Variants in TTC16 observed in about 807,000 individuals in gnomAD.
TTC16 encodes tetratricopeptide repeat protein 16.
A neutral mutation model predicts 80.4 loss-of-function variants in TTC16; 66 were observed. That is an observed-to-expected ratio of 0.82 (90% confidence interval 0.67 to 1.01). TTC16 has a LOEUF of 1.01. Ranked by LOEUF, TTC16 falls within the 50% of genes least tolerant of loss-of-function variation. The pLI, the probability that TTC16 is intolerant of heterozygous loss-of-function variation, is 0.00. For missense variants in TTC16, 1,070 were observed against 1,103.2 expected (o/e 0.97, Z 0.43); for synonymous variants, 438 against 451.3 (o/e 0.97, Z 0.37).
intron 7 of TTC16, 98 bp from the exon 8 acceptor site, chr9:127,724,022 G>A: frequency 7.0e-7 from 1 of 1,438,496 alleles, no homozygotes; most frequent in South Asian, 1.5e-5. Context: ...GGGTCAGGAG[G>A]CCCAGAGCCG....
At chr9:127,730,040 G>T in intron 13 of TTC16, 1 of 266,172 alleles carries the variant, frequency 3.8e-6, no homozygotes, top group South Asian at 5.0e-5. Context: ...AGGCGGGTGT[G>T]CGCAGTCCTC....
At chr9:127,728,022 G>T (rs1844120268) in intron 12 of TTC16, 1 of 152,218 alleles carries the variant, frequency 6.6e-6, no homozygotes, top group Non-Finnish European at 1.5e-5. Context: ...ACTGCACCCG[G>T]CCCCCAGAAT....
chr9:127,731,499 C>A lies in TTC16; in HGVS notation c.*94C>A. The A allele has an allele frequency of 6.6e-7, 1 of 1,508,940 alleles. No homozygotes were observed. The highest frequency in any genetic ancestry group is 8.8e-7 in the Non-Finnish European group (1 of 1,132,434). 93.5% of individuals were successfully genotyped at this position (1,508,940 alleles called of 1,614,324 possible). Reference sequence around the variant, plus strand: ...CTCAGCCAGCTGCCTCCTTCCAGAGCAATTAAAAGTCTTAGCAACAGTCCT... The same window carrying A: ...CTCAGCCAGCTGCCTCCTTCCAGAGAAATTAAAAGTCTTAGCAACAGTCCT... On this transcript the variant is annotated 3_prime_UTR_variant, in exon 14 of 14. Transcript: ENST00000373289.
intron 7 of TTC16, 99 bp from the exon 8 acceptor site, chr9:127,724,021 G>C: frequency 2.8e-6 from 4 of 1,434,292 alleles, no homozygotes; most frequent in Non-Finnish European, 3.7e-6. Flanking sequence ...TGGGTCAGGA[G>C]GCCCAGAGCC....
In TTC16 at chr9:127,731,199, G is replaced by A. The variant is rs998985369; in HGVS notation, c.2416G>A (p.Glu806Lys). 6.2e-7 allele frequency: 1 copy of A among 1,612,838 alleles called. No homozygotes were observed. The highest frequency in any genetic ancestry group is 1.3e-5 in the African/African-American group (1 of 75,004). ...RGLLRSSTKTEAFYDSNWSLS... is the reference protein window; with the variant it reads ...RGLLRSSTKTKAFYDSNWSLS... ...ACTGCTCCGAAGTTCCACCAAGACT[G>A]AGGCTTTCTATGACTCAAACTGGAG... is the stretch of plus-strand genomic sequence containing the variant. The change falls in exon 14 of 14, where the codon GAG becomes AAG. Residue 806 changes from glutamate to lysine, a missense_variant. Physicochemically the swap from Glu to Lys is moderately conservative, Grantham distance 56. Transcript: ENST00000373289.
Position 127,724,334 on chromosome 9 carries a change from C to A in TTC16, c.1087C>A (p.Gln363Lys), listed in dbSNP as rs954118742. The change falls in exon 8 of 14, where the codon CAG (glutamine) becomes AAG (lysine). Residue 363 changes from glutamine (Q) to lysine (K), a missense_variant. Transcript: ENST00000373289. ...GAACAAGGCCCTCCGGGACGAGCAG[C>A]AGGAGAAAGGACTCTACATCAACCG... ...LLNKALRDEQ[Q>K]EKGLYINRGD... The A allele has an allele frequency of 1.2e-6, 2 of 1,612,538 alleles. No individual in the cohort carries two copies. Among genetic ancestry groups the A allele is most frequent in the Admixed American group, 3.3e-5 (2 of 59,988 alleles).
chr9:127,716,887 A>G lies in TTC16; in HGVS notation c.62A>G (p.Lys21Arg). Residue 21 changes from lysine (K) to arginine (R), a missense_variant, in exon 2 of 14, where the codon AAG (lysine) becomes AGG (arginine). By Grantham distance (26) the Lys-to-Arg change is conservative (BLOSUM62 2). Coordinates refer to ENST00000373289, the MANE Select transcript of TTC16 (RefSeq NM_144965.3). ...CAGGGCCCCTCACGGGACATCCCAA[A>G]GCCATGGGTGATTCCAGCCCCCAAA... ...VDQGPSRDIP[K>R]PWVIPAPKGI... is the part of the protein sequence containing the mutation. 2 of 1,613,852 alleles carry G rather than the reference A, an allele frequency of 1.2e-6. No individual in the cohort carries two copies. Among genetic ancestry groups the G allele is most frequent in the Non-Finnish European group, 1.7e-6 (2 of 1,179,912 alleles).
chr9:127,726,141 C>G lies in TTC16; in HGVS notation c.1260-98C>G, dbSNP rs891419618. On this transcript the variant is annotated intron_variant, in intron 9 of 13. Coordinates refer to ENST00000373289, the MANE Select transcript of TTC16 (RefSeq NM_144965.3). ...GGCGTGGTGAGGGGAGCAGACCTAG[C>G]CTGGTTTCCCTCTAACTCCTCAGTG... is the stretch of plus-strand genomic sequence containing the variant. 2.7e-6 allele frequency: 3 copies of G among 1,122,214 alleles called. No individual in the cohort carries two copies. The African/African-American group carries it at 4.8e-5, about 18-fold the overall frequency. 69.5% of individuals were successfully genotyped at this position (1,122,214 alleles called of 1,614,324 possible).
chr9:127,716,626 T>A (rs908197992), intron 1 of TTC16: 5 of 612,700 alleles, frequency 8.2e-6, no homozygotes, highest in Admixed American at 6.0e-5. Flanking sequence ...TCCCTGACCT[T>A]GACCACAGGA....
rs766833868 is a variant in TTC16 at position 127,720,320 on chromosome 9, C to T, written c.582C>T (p.Thr194=). 1.2e-6 allele frequency: 2 copies of T among 1,613,512 alleles called. No homozygotes were observed. The highest frequency in any genetic ancestry group is 4.5e-5 in the East Asian group (2 of 44,890). Residue 194 remains threonine, a synonymous_variant, in exon 6 of 14, where the codon ACC becomes ACT. Transcript: ENST00000373289. ...KQHQACLTLI[T]NELKQDTTNA... is the part of the protein sequence containing the mutation. ...ATCAGGCCTGCCTCACGCTCATCAC[C>T]AACGAGCTGAAGCAGGACACCACCA...
At chr9:127,728,748 T>TATGG (rs1844167980) in intron 12 of TTC16, 1 of 152,256 alleles carries the variant, frequency 6.6e-6, no homozygotes, top group Non-Finnish European at 1.5e-5. Context: ...CAGTGAGCCG[T>TATGG]AATCATACTA....
intron 8 of TTC16, 117 bp from the exon 9 acceptor site, chr9:127,724,639 G>A (rs1843767929): frequency 7.2e-7 from 1 of 1,381,662 alleles, no homozygotes; most frequent in Non-Finnish European, 9.7e-7. Context: ...CGGAGACTGC[G>A]GCGGGGGGTT....
At chr9:127,717,181 C>T in intron 2 of TTC16, 153 bp from the exon 3 acceptor site, 1 of 1,193,488 alleles carries the variant, frequency 8.4e-7, no homozygotes, top group Non-Finnish European at 1.2e-6. Flanking sequence ...GGCTGGACTC[C>T]AGGAACACCA....
In TTC16 at chr9:127,717,766, C is replaced by T; in HGVS notation, c.420C>T (p.Tyr140=). 1 of 1,612,546 alleles carries T rather than the reference C, an allele frequency of 6.2e-7. No individual in the cohort carries two copies. The highest frequency in any genetic ancestry group is 8.5e-7 in the Non-Finnish European group (1 of 1,179,518). The change falls in exon 4 of 14, where the codon TAC becomes TAT. Residue 140 remains tyrosine, a synonymous_variant. Coordinates refer to ENST00000373289, the MANE Select transcript of TTC16 (RefSeq NM_144965.3). ...TGGAGCGCCTCACCTTTGTGCTCTA[C>T]CTACAGGTGCCTGGGGCCTCCCGGG... ...KHLERLTFVL[Y]LQGQCLFEQC...
chr9:127,730,031 G>A (rs1844271757), intron 13 of TTC16: 1 of 282,424 alleles, frequency 3.5e-6, no homozygotes, highest in African/African-American at 2.2e-5. Flanking sequence ...GAGGCCCCAA[G>A]GCGGGTGTGC....
chr9:127,723,809 A>G (rs1241973219), intron 7 of TTC16, among the ~76,000 whole-genome samples: 1 of 152,108 alleles, frequency 6.6e-6, no homozygotes, highest in African/African-American at 2.4e-5. Flanking sequence ...CAATTAACCT[A>G]TCCAAACAGT....
chr9:127,730,609 TG>T, intron 13 of TTC16, 26 bp from the exon 14 acceptor site: 4 of 1,605,378 alleles, frequency 2.5e-6, no homozygotes, highest in Non-Finnish European at 3.4e-6. Context: ...GCAGGCCTGA[TG>T]GGTGCTTTTG....
In TTC16 at chr9:127,717,582, G is replaced by A. The variant is rs751390951; in HGVS notation, c.283-47G>A. The A allele has an allele frequency of 5.6e-6, 9 of 1,604,544 alleles. No individual in the cohort carries two copies. The Admixed American group carries it at 1.5e-4, about 27-fold the overall frequency. ...TGGAGACTTTCCCCTACCCTCCAGG[G>A]GCAGATGGTGGGGAGGATCTAGCAG... is the stretch of plus-strand genomic sequence containing the variant. On this transcript the variant is annotated intron_variant, in intron 3 of 13. Coordinates refer to ENST00000373289, the MANE Select transcript of TTC16 (RefSeq NM_144965.3).
chr9:127,730,331 G>C (rs568661091), intron 13 of TTC16: 9 of 436,224 alleles, frequency 2.1e-5, no homozygotes, highest in South Asian at 1.0e-4. Flanking sequence ...GGTGCCAGGC[G>C]GGGGGACGCA....
Sources: gnomAD v4.1 joint callset for allele counts (sites outside exome capture counted in the v4.1 genomes callset) on GRCh38, gnomAD v4.1.1 for gene constraint, MANE v1.5 for transcripts, NCBI Gene and HGNC (gene_info 2026-07-23, HGNC 2026-07-21) for gene names.